Variants in SYNE2 observed in about 807,000 individuals in gnomAD.
SYNE2 encodes the protein spectrin repeat containing nuclear envelope protein 2.
SYNE2 carries 431 observed loss-of-function variants against 856.3 expected under a neutral mutation model. The observed-to-expected ratio is 0.50, with a 90% CI of 0.47 to 0.55. The LOEUF (loss-of-function observed/expected upper bound fraction) is 0.55. Ranked by LOEUF, SYNE2 falls within the 20% of genes least tolerant of loss-of-function variation. The pLI is 0.00. For synonymous variants in SYNE2, 2,923 were observed against 2,872.3 expected (o/e 1.02, Z -0.56); for missense variants, 8,129 against 8,023.2 (o/e 1.01, Z -0.50).
In SYNE2 at chr14:64,029,922, G is replaced by A. The variant is rs767605722; in HGVS notation, c.6742G>A (p.Val2248Ile). 1.2e-5 allele frequency: 20 copies of A among 1,613,798 alleles called. No individual in the cohort carries two copies. The highest frequency in any genetic ancestry group is 1.6e-4 in the Middle Eastern group (1 of 6,082). Reference sequence around the variant, plus strand: ...TTCTGTGCAAAACTTGGACGGTCACGTTCGAGAACATGATTCATACCAGGT... The same window carrying A: ...TTCTGTGCAAAACTTGGACGGTCACATTCGAGAACATGATTCATACCAGGT... ...QDSVQNLDGH[V>I]REHDSYQVCV... is the part of the protein sequence containing the mutation. The change falls in exon 44 of 116, where the codon GTT becomes ATT. Residue 2248 changes from valine (V) to isoleucine (I), a missense_variant. Physicochemically the swap from Val to Ile is conservative, Grantham distance 29. Around this residue, in one of 3 missense-constraint regions of SYNE2, gnomAD observed 297 missense variants for 380.9 expected, o/e 0.78. Transcript: ENST00000555002.
chr14:64,052,841 T>C lies in SYNE2; in HGVS notation c.8928T>C (p.Gly2976=), dbSNP rs373828834. The change falls in exon 48 of 116, where the codon GGT becomes GGC. Residue 2976 remains glycine, a synonymous_variant. Coordinates refer to ENST00000555002, the MANE Select transcript of SYNE2 (RefSeq NM_182914.3). ...ELLLNQEVNK[G]VKEEIYNLKD... ...TACTTAATCAAGAAGTAAATAAAGG[T>C]GTTAAAGAGGAGATCTATAATCTTA... 33 of 1,613,516 alleles carry C rather than the reference T, an allele frequency of 2.0e-5. No homozygotes were observed. In the African/African-American group the frequency reaches 3.6e-4, roughly 18 times the overall value.
Position 64,024,894 on chromosome 14 carries a change from T to A in SYNE2, c.5841-18T>A, listed in dbSNP as rs746541067. ...TTTTTGCTTATTTTGTATTTAAACA[T>A]GTGTAATGCTCTTTTAGACTCCAGG... On this transcript the variant is annotated intron_variant, in intron 39 of 115. Transcript: ENST00000555002. 6.2e-7 allele frequency: 1 copy of A among 1,613,576 alleles called. No homozygotes were observed. The highest frequency in any genetic ancestry group is 8.5e-7 in the Non-Finnish European group (1 of 1,179,736).
chr14:63,861,465 C>T (rs1893694255), intron 1 of SYNE2, among the ~76,000 whole-genome samples: 1 of 151,782 alleles, frequency 6.6e-6, no homozygotes, highest in Non-Finnish European at 1.5e-5. Context: ...ATTTTAAGAG[C>T]ATTAGTTGGC....
intron 1 of SYNE2, among the ~76,000 whole-genome samples, chr14:63,774,343 A>T (rs1317298219): frequency 6.6e-6 from 1 of 151,670 alleles, no homozygotes; most frequent in African/African-American, 2.4e-5. Context: ...GTTGTGGGCG[A>T]CTGTAATCCC....
At chr14:63,784,571 A>T (rs1887443264) in intron 1 of SYNE2, among the ~76,000 whole-genome samples, 1 of 152,220 alleles carries the variant, frequency 6.6e-6, no homozygotes, top group Admixed American at 6.5e-5. Context: ...TGTTGCGCAG[A>T]CTGGTCTCAA....
intron 9 of SYNE2, 122 bp from the exon 10 acceptor site, chr14:63,963,777 A>G: frequency 1.4e-6 from 1 of 701,114 alleles, no homozygotes; most frequent in Non-Finnish European, 2.6e-6. Context: ...ACTCTTTGGC[A>G]TAATGAATCA....
chr14:63,817,230 C>T (rs1889026503), intron 1 of SYNE2, among the ~76,000 whole-genome samples: 1 of 152,110 alleles, frequency 6.6e-6, no homozygotes, highest in Admixed American at 6.6e-5. Context: ...GAGTCCGAGG[C>T]AGGTGGATTG....
At chr14:64,115,599 T>C (rs2097848178) in intron 66 of SYNE2, among the ~76,000 whole-genome samples, 2 of 152,124 alleles carry the variant, frequency 1.3e-5, no homozygotes, top group Non-Finnish European at 2.9e-5. Flanking sequence ...CTAAATGGAT[T>C]AAAATATGCT....
chr14:63,939,347 CTTTTT>C (rs1056199146), intron 2 of SYNE2, among the ~76,000 whole-genome samples: 5 of 115,172 alleles, frequency 4.3e-5, no homozygotes, highest in Middle Eastern at 4.1e-3. Flanking sequence ...TTTTTTTTTT[CTTTTT>C]TTTTTTTTTT....
chr14:64,182,291 T>C (rs2098461555), intron 96 of SYNE2, among the ~76,000 whole-genome samples: 1 of 152,224 alleles, frequency 6.6e-6, no homozygotes. Flanking sequence ...ATAATTTATC[T>C]GGTTGAATGA....
In SYNE2 at chr14:64,053,429, A is replaced by G. The variant is rs367848071; in HGVS notation, c.9516A>G (p.Leu3172=). The change falls in exon 48 of 116, where the codon TTA becomes TTG. Residue 3172 remains leucine (L), a synonymous_variant. Coordinates refer to ENST00000555002, the MANE Select transcript of SYNE2 (RefSeq NM_182914.3). Reference sequence around the variant, plus strand: ...TTTTAAATCAGATAAAATCTCAATTACAGCAGCCATTACTTATAAATTTGG... The same window carrying G: ...TTTTAAATCAGATAAAATCTCAATTGCAGCAGCCATTACTTATAAATTTGG... ...LHVLNQIKSQ[L]QQPLLINLEI... The G allele has an allele frequency of 6.8e-6, 11 of 1,613,264 alleles. No homozygotes were observed. Among genetic ancestry groups the G allele is most frequent in the Non-Finnish European group, 9.3e-6 (11 of 1,179,844 alleles).
intron 57 of SYNE2, chr14:64,084,114 G>C (rs1277823469): frequency 6.6e-6 from 1 of 152,152 alleles, no homozygotes; most frequent in Non-Finnish European, 1.5e-5. Context: ...AGTAGAGACA[G>C]GATTTCACCA....
At chr14:64,098,981 A>G (rs2097699509) in intron 63 of SYNE2, 160 bp downstream of exon 63, 1 of 720,716 alleles carries the variant, frequency 1.4e-6, no homozygotes, top group South Asian at 1.6e-5. Flanking sequence ...ATTAATGTTT[A>G]AGTGTATGGA....
intron 109 of SYNE2, 31 bp from the exon 110 acceptor site, chr14:64,219,177 C>T (rs769896544): frequency 2.1e-6 from 3 of 1,439,562 alleles, no homozygotes; most frequent in Non-Finnish European, 2.8e-6. Flanking sequence ...TGCATTATTG[C>T]TTTTTTTAAT....
intron 49 of SYNE2, among the ~76,000 whole-genome samples, chr14:64,057,276 C>T (rs907356514): frequency 4.6e-5 from 7 of 152,040 alleles, no homozygotes; most frequent in African/African-American, 1.7e-4. Flanking sequence ...TCCCCCACTA[C>T]TCTTCCCAGT....
chr14:64,075,566 G>A (rs138159829), intron 53 of SYNE2: 86 of 244,814 alleles, frequency 3.5e-4, no homozygotes, highest in African/African-American at 1.6e-3. Context: ...ATAGCAACAC[G>A]TTAAAACAAC....
chr14:63,932,751 A>T (rs1052762056), intron 2 of SYNE2, among the ~76,000 whole-genome samples: 3 of 152,230 alleles, frequency 2.0e-5, no homozygotes, highest in Non-Finnish European at 4.4e-5. Flanking sequence ...GTTATGTCCA[A>T]TTATAATAAA....
intron 2 of SYNE2, among the ~76,000 whole-genome samples, chr14:63,917,266 T>C (rs2095544150): frequency 3.3e-5 from 5 of 152,140 alleles, no homozygotes; most frequent in Admixed American, 2.6e-4. Context: ...TCAGTTATGA[T>C]AAATAAAAGC....
chr14:64,215,259 G>A (rs2098660718), intron 106 of SYNE2, 27 bp from the exon 107 acceptor site: 3 of 1,610,856 alleles, frequency 1.9e-6, no homozygotes, highest in Non-Finnish European at 8.5e-7. Context: ...CACCTCCAGT[G>A]AGGCAAATGA....
Sources: allele counts gnomAD v4.1 joint callset (sites outside exome capture counted in the v4.1 genomes callset), GRCh38; gene constraint gnomAD v4.1.1; regional missense constraint gnomAD v4.1.1; transcripts MANE v1.5; gene names NCBI Gene and HGNC (gene_info 2026-07-23, HGNC 2026-07-21).